ADAMTSL1: variants seen among roughly 807,000 people sequenced by gnomAD.
ADAMTSL1 encodes ADAMTS-like protein 1.
A neutral mutation model predicts 201.8 loss-of-function variants in ADAMTSL1; 126 were observed. That is an observed-to-expected ratio of 0.62 (90% CI 0.54 to 0.72). The LOEUF is 0.72. Ranked by LOEUF, ADAMTSL1 falls within the 30% of genes least tolerant of loss-of-function variation. The pLI is 0.00. For missense variants in ADAMTSL1, 2,679 were observed against 2,277.8 expected, an observed-to-expected ratio of 1.18 and a Z score of -3.59; for synonymous variants, 1,121 against 903.4, an observed-to-expected ratio of 1.24 and a Z score of -4.32.
intron 2 of ADAMTSL1, among the ~76,000 whole-genome samples, chr9:18,287,610 T>G: frequency 1.3e-5 from 1 of 79,210 alleles, no homozygotes; most frequent in African/African-American, 5.2e-5. Context: ...TATATGCATA[T>G]ATGTATGTGT....
chr9:18,775,893 G>C lies in ADAMTSL1; in HGVS notation c.2548G>C (p.Ala850Pro). The change falls in exon 18 of 29, where the codon GCA (alanine) becomes CCA (proline). Residue 850 changes from alanine (A) to proline (P), a missense_variant. Transcript: ENST00000380548. ...CAGGCCCTGTATGCTGGCAACCTGT[G>C]CAAGTAAGTATGTCAGGGCTCTGGG... ...SIRPCMLATC[A>P]RPGRPSTKHS... The C allele has an allele frequency of 3.1e-6, 5 of 1,591,892 alleles. No individual in the cohort carries two copies. Among genetic ancestry groups the C allele is most frequent in the Non-Finnish European group, 4.3e-6 (5 of 1,168,290 alleles).
chr9:18,669,530 T>C (rs1220021564), intron 9 of ADAMTSL1, among the ~76,000 whole-genome samples: 1 of 152,226 alleles, frequency 6.6e-6, no homozygotes, highest in Admixed American at 6.5e-5. Context: ...TGAATGTTGC[T>C]GCTTAGTTTA....
chr9:18,819,623 G>A lies in ADAMTSL1; in HGVS notation c.3934+2386G>A, dbSNP rs193182648. On this transcript the variant is annotated intron_variant, in intron 21 of 28. Coordinates refer to ENST00000380548, the MANE Select transcript of ADAMTSL1 (RefSeq NM_001040272.6). ...TTGTGCCGCCTAGGGCCCTCTCTCTGGGACTTCATCCAGAGGCTCACTTGA... is the reference window on the plus strand; with the variant it reads ...TTGTGCCGCCTAGGGCCCTCTCTCTAGGACTTCATCCAGAGGCTCACTTGA... Among the ~76,000 whole-genome samples the A allele has an allele frequency of 5.3e-5, 8 of 152,258 alleles. No homozygotes were observed. The East Asian group carries it at 1.4e-3, about 26-fold the overall frequency.
chr9:18,702,459 G>A (rs1043241848), intron 13 of ADAMTSL1, among the ~76,000 whole-genome samples: 2 of 152,100 alleles, frequency 1.3e-5, no homozygotes, highest in African/African-American at 4.8e-5. Context: ...ACCATTTAGG[G>A]ATTTTATAAG....
rs535232753 is a variant in ADAMTSL1, at chr9:18,355,597, C to T, written c.208-149232C>T. The stretch of plus-strand genomic sequence containing the variant: ...ATCTAAAACTCCATTCTGTTTCAGA[C>T]TAGTCCATGAATATTCCCCAAAGGG... On this transcript the variant is annotated intron_variant, in intron 2 of 29. Transcript: ENST00000680146. Among the ~76,000 whole-genome samples the T allele has an allele frequency of 2.2e-3, 331 of 152,324 alleles. 1 individual carries two copies. Among genetic ancestry groups the T allele is most frequent in the African/African-American group, 7.5e-3 (310 of 41,568 alleles).
At chr9:18,665,143 A>C (rs139116910) in intron 9 of ADAMTSL1, among the ~76,000 whole-genome samples, 3 of 152,194 alleles carry the variant, frequency 2.0e-5, no homozygotes, top group African/African-American at 7.2e-5. Context: ...TTTTCATTAC[A>C]AAACACTCTC....
intron 15 of ADAMTSL1, among the ~76,000 whole-genome samples, chr9:18,725,127 C>T (rs540674727): frequency 2.6e-5 from 4 of 152,222 alleles, no homozygotes; most frequent in South Asian, 2.1e-4. Context: ...AGGATGGTCT[C>T]GATCTCCTGA....
At chr9:18,680,561 T>TC in intron 11 of ADAMTSL1, 45 bp downstream of exon 11, 1 of 1,599,830 alleles carries the variant, frequency 6.3e-7, no homozygotes, top group Non-Finnish European at 8.6e-7. Flanking sequence ...GTAAGTCCAC[T>TC]CTTCCCTCTC....
intron 2 of ADAMTSL1, among the ~76,000 whole-genome samples, chr9:18,201,774 T>C (rs1003830692): frequency 6.6e-6 from 1 of 152,172 alleles, no homozygotes; most frequent in Non-Finnish European, 1.5e-5. Flanking sequence ...CTGCAACTTA[T>C]TGTTTGTATG....
intron 1 of ADAMTSL1, among the ~76,000 whole-genome samples, chr9:18,121,482 A>G (rs907656803): frequency 6.6e-6 from 1 of 152,198 alleles, no homozygotes. Context: ...GTAGCTTATT[A>G]AACAAGCCAT....
rs371555632 is a variant in ADAMTSL1 at position 18,110,234 on chromosome 9, G to A, written c.88-53628G>A. ...TTGGTCTCAAATGGATCTGAGGGCC[G>A]TTGGCTATAGAGTGTCTAATTCTCA... is the stretch of plus-strand genomic sequence containing the variant. On this transcript the variant is annotated intron_variant, in intron 1 of 29. Coordinates refer to the ADAMTSL1 transcript ENST00000680146. 5.9e-5 allele frequency among the ~76,000 whole-genome samples: 9 copies of A among 152,282 alleles called. 1 individual carries two copies. The South Asian group carries it at 1.5e-3, about 25-fold the overall frequency.
chr9:18,162,705 C>T (rs1827448221), intron 1 of ADAMTSL1, among the ~76,000 whole-genome samples: 1 of 151,812 alleles, frequency 6.6e-6, no homozygotes, highest in African/African-American at 2.4e-5. Flanking sequence ...TTAATATAAA[C>T]ATCCACATAT....
chr9:18,369,118 G>A (rs1265395051), intron 2 of ADAMTSL1, among the ~76,000 whole-genome samples: 1 of 152,146 alleles, frequency 6.6e-6, no homozygotes, highest in Non-Finnish European at 1.5e-5. Context: ...TAGAAAAAAA[G>A]TTGGCTAATG....
chr9:17,959,280 C>G (rs1406262852), intron 1 of ADAMTSL1, among the ~76,000 whole-genome samples: 1 of 151,980 alleles, frequency 6.6e-6, no homozygotes, highest in Non-Finnish European at 1.5e-5. Context: ...TACTGTTGTA[C>G]TTTTTTCTCG....
chr9:18,900,094 A>G (rs1829915308), intron 26 of ADAMTSL1, among the ~76,000 whole-genome samples: 1 of 152,214 alleles, frequency 6.6e-6, no homozygotes, highest in South Asian at 2.1e-4. Flanking sequence ...TTACAAGAAA[A>G]TAACTCCATT....
chr9:18,333,075 TCACA>T (rs1835096816), intron 2 of ADAMTSL1, among the ~76,000 whole-genome samples: 1 of 152,218 alleles, frequency 6.6e-6, no homozygotes, highest in South Asian at 2.1e-4. Flanking sequence ...GAAATTTACC[TCACA>T]GATTATCTAG....
intron 2 of ADAMTSL1, among the ~76,000 whole-genome samples, chr9:18,459,279 A>G (rs1820722141): frequency 1.3e-5 from 2 of 152,204 alleles, no homozygotes; most frequent in South Asian, 4.1e-4. Context: ...TATATCATCC[A>G]GGAAATAATA....
intron 5 of ADAMTSL1, among the ~76,000 whole-genome samples, chr9:18,631,463 C>T (rs971926613): frequency 5.3e-5 from 8 of 152,022 alleles, no homozygotes; most frequent in African/African-American, 9.7e-5. Flanking sequence ...TATACATAGT[C>T]AATTGTATTT....
At chr9:18,474,558 C>A (rs1162785026) in intron 1 of ADAMTSL1, among the ~76,000 whole-genome samples, 1 of 152,138 alleles carries the variant, frequency 6.6e-6, no homozygotes, top group African/African-American at 2.4e-5. Flanking sequence ...AACTTTGGGA[C>A]ATACTGCATG....
Sources: gnomAD v4.1 joint callset for allele counts (sites outside exome capture counted in the v4.1 genomes callset) on GRCh38, gnomAD v4.1.1 for gene constraint, MANE v1.5 for transcripts, NCBI Gene and HGNC (gene_info 2026-07-23, HGNC 2026-07-21) for gene names.